PCLO: variants seen among roughly 807,000 people sequenced by gnomAD.
PCLO encodes the protein piccolo presynaptic cytomatrix protein.
A neutral mutation model predicts 427.5 loss-of-function variants in PCLO; 82 were observed. The ratio of observed to expected loss-of-function variants is 0.19; its 90% CI spans 0.16 to 0.23. PCLO has a LOEUF of 0.23. PCLO is among the 10% of genes least tolerant of loss of function. PCLO has a pLI of 1.00. For synonymous variants in PCLO, 2,357 were observed against 2,155.4 expected, an observed-to-expected ratio of 1.09 and a Z score of -2.59; for missense variants, 6,239 against 6,115.9, an observed-to-expected ratio of 1.02 and a Z score of -0.67.
At chr7:82,944,127 C>G (rs1191188794) in intron 6 of PCLO, among the ~76,000 whole-genome samples, 1 of 8,304 alleles carries the variant, frequency 1.2e-4, no homozygotes, top group Non-Finnish European at 2.3e-4. Flanking sequence ...GGCAACGGAA[C>G]AAGAATCCAT....
At chr7:83,089,568 T>C (rs1307607047) in intron 3 of PCLO, among the ~76,000 whole-genome samples, 1 of 152,200 alleles carries the variant, frequency 6.6e-6, no homozygotes, top group Non-Finnish European at 1.5e-5. Flanking sequence ...TCCCTACTTA[T>C]TTCCTGCCAT....
At chr7:82,786,123 G>A (rs1343693638) in intron 22 of PCLO, among the ~76,000 whole-genome samples, 1 of 152,172 alleles carries the variant, frequency 6.6e-6, no homozygotes, top group African/African-American at 2.4e-5. Flanking sequence ...GAAACCTAAA[G>A]TTAGGCAGTA....
At chr7:83,021,537 A>C (rs1788342656) in intron 3 of PCLO, among the ~76,000 whole-genome samples, 1 of 152,112 alleles carries the variant, frequency 6.6e-6, no homozygotes, top group Non-Finnish European at 1.5e-5. Context: ...AACCAAGTAC[A>C]CTGTTGTAAC....
rs768797422 is a variant in PCLO, at chr7:82,950,256, A to G, written c.10332T>C (p.Gly3444=). The G allele has an allele frequency of 6.2e-7, 1 of 1,612,974 alleles. No individual in the cohort carries two copies. Among genetic ancestry groups the G allele is most frequent in the South Asian group, 1.1e-5 (1 of 91,014 alleles). ...TGGCATCTTCGTCATCCGTTTGTAC[A>G]CCACTGTCCACTATCTTTTTAAAAC... The part of the protein sequence containing the change: ...PRSFKKIVDS[G]VQTDDEDATD... The change falls in exon 6 of 25, where the codon GGT becomes GGC. Residue 3444 remains glycine (G), a synonymous_variant. Coordinates refer to ENST00000333891, the MANE Select transcript of PCLO (RefSeq NM_033026.6).
intron 3 of PCLO, among the ~76,000 whole-genome samples, chr7:82,977,689 C>T (rs1159673304): frequency 6.6e-6 from 1 of 152,142 alleles, no homozygotes; most frequent in Non-Finnish European, 1.5e-5. Context: ...GCTGGGATTA[C>T]AGGCGTGAGC....
At chr7:82,960,823 AGTAAAATATTATACCAAGTGTTTG>A (rs1280506742) in intron 4 of PCLO, among the ~76,000 whole-genome samples, 1 of 152,196 alleles carries the variant, frequency 6.6e-6, no homozygotes, top group Non-Finnish European at 1.5e-5. Context: ...ATATAAATAG[AGTAAAATATTATACCAAGTGTTTG>A]GTATAGCAGT....
Position 82,841,454 on chromosome 7 carries a change from C to A in PCLO, c.14097+5G>T. ...ATAATGGCGACTTTTTAAAAAACTT[C>A]ATACCTGAATTTCTCCTGTAATTGG... On this transcript the variant is annotated splice_donor_5th_base_variant and intron_variant, in intron 14 of 24. Transcript: ENST00000333891. 2 of 1,593,504 alleles carry A rather than the reference C, an allele frequency of 1.3e-6. No homozygotes were observed. The highest frequency in any genetic ancestry group is 1.7e-6 in the Non-Finnish European group (2 of 1,162,398).
At chr7:82,833,219 GT>G (rs1792140871) in intron 16 of PCLO, among the ~76,000 whole-genome samples, 1 of 152,164 alleles carries the variant, frequency 6.6e-6, no homozygotes, top group African/African-American at 2.4e-5. Context: ...TACCAATGTT[GT>G]TTAGAGAAAG....
chr7:82,824,404 A>G lies in PCLO; in HGVS notation c.14428T>C (p.Leu4810=). The stretch of plus-strand genomic sequence containing the variant: ...TTATCGAGGTGAGATGTGCTAGATA[A>G]ATCAATCAATACCTGAAAAAAAGTG... The part of the protein sequence containing the change: ...NDFLGEVLID[L]SSTSHLDNTP... The change falls in exon 19 of 25, where the codon TTA becomes CTA. Residue 4810 remains leucine (L), a synonymous_variant. Coordinates refer to ENST00000333891, the MANE Select transcript of PCLO (RefSeq NM_033026.6). 2 of 1,590,234 alleles carry G rather than the reference A, an allele frequency of 1.3e-6. No individual in the cohort carries two copies. The highest frequency in any genetic ancestry group is 1.8e-4 in the Middle Eastern group (1 of 5,600).
At chr7:82,763,021 G>A (rs76971930) in intron 22 of PCLO, among the ~76,000 whole-genome samples, 2,433 of 152,124 alleles carry the variant, frequency 0.016, 85 homozygotes, top group African/African-American at 0.056. Context: ...GCTCACTGCA[G>A]CCTCAGACTT....
At chr7:82,905,030 T>TGA (rs768008019) in intron 8 of PCLO, among the ~76,000 whole-genome samples, 11 of 152,072 alleles carry the variant, frequency 7.2e-5, no homozygotes, top group African/African-American at 1.2e-4. Context: ...GGGTGAATGT[T>TGA]GAGAGAGTCC....
chr7:82,865,947 T>C (rs1793081891), intron 10 of PCLO, among the ~76,000 whole-genome samples: 1 of 152,126 alleles, frequency 6.6e-6, no homozygotes, highest in Non-Finnish European at 1.5e-5. Context: ...GTCAGGTCAA[T>C]TGCGTCTCAT....
At chr7:82,880,218 G>A (rs973929210) in intron 9 of PCLO, among the ~76,000 whole-genome samples, 1 of 152,014 alleles carries the variant, frequency 6.6e-6, no homozygotes, top group African/African-American at 2.4e-5. Flanking sequence ...CCTAAACATG[G>A]AAAAACTACA....
intron 3 of PCLO, among the ~76,000 whole-genome samples, chr7:83,089,687 C>T (rs1790329222): frequency 1.3e-5 from 2 of 152,172 alleles, no homozygotes; most frequent in South Asian, 4.1e-4. Context: ...CACTACAAAA[C>T]CTAGTGCAAT....
chr7:83,112,175 A>G (rs946154956), intron 3 of PCLO, among the ~76,000 whole-genome samples: 1 of 152,100 alleles, frequency 6.6e-6, no homozygotes, highest in African/African-American at 2.4e-5. Flanking sequence ...CTCCTGCCTC[A>G]GCCTCCTGAG....
chr7:82,873,876 A>T (rs1331222539), intron 10 of PCLO, among the ~76,000 whole-genome samples: 1 of 152,126 alleles, frequency 6.6e-6, no homozygotes, highest in Non-Finnish European at 1.5e-5. Flanking sequence ...ATCTGAATTT[A>T]AATTTAAAGC....
chr7:82,859,513 C>T (rs1407224133), intron 10 of PCLO, among the ~76,000 whole-genome samples: 5 of 152,172 alleles, frequency 3.3e-5, no homozygotes, highest in Non-Finnish European at 7.4e-5. Flanking sequence ...CAAGGTTGTA[C>T]CTTTACAAGT....
chr7:83,147,331 A>G (rs1792020690), intron 2 of PCLO, among the ~76,000 whole-genome samples: 1 of 152,202 alleles, frequency 6.6e-6, no homozygotes, highest in South Asian at 2.1e-4. Context: ...ATAAAGGTAA[A>G]TTCATTTTGT....
intron 22 of PCLO, among the ~76,000 whole-genome samples, chr7:82,791,607 T>C (rs559839380): frequency 6.6e-6 from 1 of 152,274 alleles, no homozygotes; most frequent in African/African-American, 2.4e-5. Context: ...CAGTCAACAT[T>C]TAATAAACAA....
Sources: allele counts gnomAD v4.1 joint callset (sites outside exome capture counted in the v4.1 genomes callset), GRCh38; gene constraint gnomAD v4.1.1; transcripts MANE v1.5; gene names NCBI Gene and HGNC (gene_info 2026-07-23, HGNC 2026-07-21).